Variants in AKR1B15 observed in about 807,000 individuals in gnomAD.
AKR1B15 encodes estradiol 17-beta-dehydrogenase AKR1B15.
In AKR1B15, 49 loss-of-function variants were observed where a neutral mutation model predicts 38.5. The observed-to-expected ratio is 1.27, with a 90% CI of 1.01 to 1.62. The LOEUF (loss-of-function observed/expected upper bound fraction) is 1.62, where lower values mean the gene tolerates loss of function less well. Among genes scored for constraint, AKR1B15 ranks in the 40% most tolerant of loss-of-function variants. The pLI is 0.00. For missense variants in AKR1B15, 411 were observed against 381.6 expected (o/e 1.08, Z -0.64); for synonymous variants, 137 against 135.5 (o/e 1.01, Z -0.08).
intron 2 of AKR1B15, among the ~76,000 whole-genome samples, chr7:134,561,956 G>A (rs1204156418): frequency 2.0e-5 from 3 of 151,888 alleles, no homozygotes; most frequent in Non-Finnish European, 2.9e-5. Context: ...GGGAAAGAAA[G>A]CCTTTGTTTT....
chr7:134,573,616 A>G (rs768597049), intron 6 of AKR1B15: 2 of 905,696 alleles, frequency 2.2e-6, no homozygotes, highest in Non-Finnish European at 2.6e-6. Flanking sequence ...GAGGGGAGGA[A>G]AAAAGTATAA....
At chr7:134,560,191 G>A (rs1180610869) in intron 2 of AKR1B15, among the ~76,000 whole-genome samples, 4 of 152,020 alleles carry the variant, frequency 2.6e-5, no homozygotes, top group Non-Finnish European at 5.9e-5. Context: ...CCTTGGCCCC[G>A]TCCTGGCCTT....
Position 134,577,690 on chromosome 7 carries a change from T to G in AKR1B15, c.910-14T>G. 2 of 1,612,904 alleles carry G rather than the reference T, an allele frequency of 1.2e-6. No homozygotes were observed. The highest frequency in any genetic ancestry group is 1.7e-6 in the Non-Finnish European group (2 of 1,179,436). On this transcript the variant is annotated splice_polypyrimidine_tract_variant and intron_variant, in intron 10 of 11. Coordinates refer to ENST00000457545, the MANE Select transcript of AKR1B15 (RefSeq NM_001080538.3). Reference sequence around the variant, plus strand: ...AGCCTTACCGATAATGTATTGGAATTCTTTCCTTTCTAGGTCTTTGACTTT... The same window carrying G: ...AGCCTTACCGATAATGTATTGGAATGCTTTCCTTTCTAGGTCTTTGACTTT...
chr7:134,571,716 G>T (rs1483778545), intron 6 of AKR1B15, 35 bp downstream of exon 6: 16 of 1,524,748 alleles, frequency 1.0e-5, no homozygotes, highest in African/African-American at 1.4e-5. Context: ...TGCTGGGAGA[G>T]AAATCCTCAG....
intron 1 of AKR1B15, among the ~76,000 whole-genome samples, chr7:134,555,836 G>A (rs925106962): frequency 1.3e-5 from 2 of 152,086 alleles, no homozygotes; most frequent in Non-Finnish European, 2.9e-5. Context: ...TTTTACCTTT[G>A]TCCTGGAAAT....
At chr7:134,571,736 A>AGAG (rs1794672137) in intron 6 of AKR1B15, 55 bp downstream of exon 6, 3 of 1,378,112 alleles carry the variant, frequency 2.2e-6, no homozygotes, top group African/African-American at 1.4e-5. Flanking sequence ...GTTATCCATG[A>AGAG]GATTCCCATT....
intron 11 of AKR1B15, among the ~76,000 whole-genome samples, chr7:134,578,832 A>C (rs1794818673): frequency 6.6e-6 from 1 of 152,204 alleles, no homozygotes; most frequent in African/African-American, 2.4e-5. Context: ...TGCTTAACAA[A>C]GTAGCAGCTA....
intron 3 of AKR1B15, chr7:134,565,255 TGAAGTCAGCGACACCACAAACCCACCA>T (rs1293912944): frequency 1.6e-5 from 10 of 622,612 alleles, no homozygotes; most frequent in African/African-American, 3.7e-5. Context: ...GCTTCATTCT[TGAAGTCAGCGACACCACAAACCCACCA>T]GAAGGGAGAA....
intron 1 of AKR1B15, among the ~76,000 whole-genome samples, chr7:134,555,018 T>C (rs1794142809): frequency 6.6e-6 from 1 of 152,202 alleles, no homozygotes; most frequent in African/African-American, 2.4e-5. Flanking sequence ...TAGGTAAAGC[T>C]CCTTCCTTTA....
At chr7:134,570,634 G>A (rs567066712) in intron 5 of AKR1B15, among the ~76,000 whole-genome samples, 1 of 152,256 alleles carries the variant, frequency 6.6e-6, no homozygotes, top group African/African-American at 2.4e-5. Context: ...ATTATCAGGG[G>A]CGGATTCACC....
intron 3 of AKR1B15, among the ~76,000 whole-genome samples, chr7:134,565,848 G>T (rs764879506): frequency 3.9e-5 from 6 of 152,128 alleles, no homozygotes; most frequent in Non-Finnish European, 8.8e-5. Flanking sequence ...CACTTAATTG[G>T]GCACAAGGTT....
In AKR1B15 at chr7:134,569,495, A is replaced by G. The variant is rs756441946; in HGVS notation, c.401A>G (p.Asp134Gly). The G allele has an allele frequency of 6.2e-7, 1 of 1,614,086 alleles. No homozygotes were observed. The highest frequency in any genetic ancestry group is 1.1e-5 in the South Asian group (1 of 91,078). ...TLKDLKLSYL[D>G]VYLIHWPQGF... is the part of the protein sequence containing the mutation. Reference sequence around the variant, plus strand: ...AAGGACCTGAAGCTGAGCTATCTGGACGTCTATCTTATTCACTGGCCACAG... The same window carrying G: ...AAGGACCTGAAGCTGAGCTATCTGGGCGTCTATCTTATTCACTGGCCACAG... Residue 134 changes from aspartate to glycine, a missense_variant, in exon 5 of 12, where the codon GAC (aspartate) becomes GGC (glycine). Asp to Gly is a moderately conservative substitution (Grantham distance 94). This residue lies in a region of AKR1B15 where 254 missense variants were observed against 212.4 expected (regional missense o/e 1.20). Transcript: ENST00000457545.
At chr7:134,569,221 A>G (rs1409527893) in intron 4 of AKR1B15, among the ~76,000 whole-genome samples, 192 bp from the exon 5 acceptor site, 2 of 152,246 alleles carry the variant, frequency 1.3e-5, no homozygotes, top group Non-Finnish European at 2.9e-5. Flanking sequence ...AACTGCTTTT[A>G]AAACTTAAGA....
chr7:134,565,523 A>G lies in AKR1B15; in HGVS notation c.150+754A>G, dbSNP rs372089112. 3.6e-5 allele frequency: 58 copies of G among 1,613,842 alleles called. No individual in the cohort carries two copies. In the East Asian group the frequency reaches 1.2e-3, roughly 35 times the overall value. ...GCTCAGTACAAAAGCCAAGATGCCC[A>G]TTGTGGGCCTGGGCACTTGGAGGGT... On this transcript the variant is annotated intron_variant, in intron 3 of 11. Transcript: ENST00000457545.
intron 1 of AKR1B15, among the ~76,000 whole-genome samples, chr7:134,556,291 T>C (rs1013826943): frequency 6.6e-6 from 1 of 152,170 alleles, no homozygotes; most frequent in Non-Finnish European, 1.5e-5. Flanking sequence ...TTGGACGGGA[T>C]ACATCACCTC....
chr7:134,567,170 T>G (rs1794555794), intron 3 of AKR1B15, among the ~76,000 whole-genome samples: 1 of 152,196 alleles, frequency 6.6e-6, no homozygotes, highest in Admixed American at 6.5e-5. Flanking sequence ...ATCTCTGTTT[T>G]GTGTACTTTT....
At chr7:134,552,812 C>T (rs1794033622) in intron 1 of AKR1B15, among the ~76,000 whole-genome samples, 1 of 152,148 alleles carries the variant, frequency 6.6e-6, no homozygotes, top group Non-Finnish European at 1.5e-5. Flanking sequence ...GCTCGGTAGA[C>T]ACCACCCAAT....
chr7:134,572,095 G>T (rs369065286), intron 6 of AKR1B15, among the ~76,000 whole-genome samples: 4 of 152,100 alleles, frequency 2.6e-5, no homozygotes, highest in Non-Finnish European at 5.9e-5. Flanking sequence ...TATATCTTTC[G>T]GGGTGTGATA....
At position 134,579,620 on chromosome 7, in the gene AKR1B15, G is replaced by C; in HGVS notation, c.*71G>C. On this transcript the variant is annotated 3_prime_UTR_variant, in exon 12 of 12. Transcript: ENST00000457545. ...CTGAAGTGTGACTGTCTCCACTCAAGAACTATTTTAGCCAAGCTTATCTGA... is the reference window on the plus strand; with the variant it reads ...CTGAAGTGTGACTGTCTCCACTCAACAACTATTTTAGCCAAGCTTATCTGA... 1 of 1,392,858 alleles carries C rather than the reference G, an allele frequency of 7.2e-7. No homozygotes were observed. Among genetic ancestry groups the C allele is most frequent in the Non-Finnish European group, 9.8e-7 (1 of 1,023,686 alleles). The allele number at this position is 1,392,858 out of a possible 1,614,324, so 86.3% of individuals were successfully genotyped here.
Sources: allele counts gnomAD v4.1 joint callset (sites outside exome capture counted in the v4.1 genomes callset), GRCh38; gene constraint gnomAD v4.1.1; regional missense constraint gnomAD v4.1.1; transcripts MANE v1.5; gene names NCBI Gene and HGNC (gene_info 2026-07-23, HGNC 2026-07-21).